Variants in OPRK1 observed in about 807,000 individuals in gnomAD.
OPRK1 encodes kappa-type opioid receptor.
Under a neutral mutation model 24.5 loss-of-function variants are expected in OPRK1, and 15 were observed. That is an observed-to-expected ratio of 0.61 (90% confidence interval 0.41 to 0.94). The LOEUF is 0.94. Ranked by LOEUF, OPRK1 falls within the 40% of genes least tolerant of loss-of-function variation. The pLI is 0.00. For missense variants in OPRK1, 479 were observed against 507.3 expected, an observed-to-expected ratio of 0.94 and a Z score of 0.54; for synonymous variants, 205 against 198.0, an observed-to-expected ratio of 1.04 and a Z score of -0.30.
intron 1 of OPRK1, 155 bp from the exon 2 acceptor site, chr8:53,251,240 C>T: frequency 1.2e-6 from 1 of 812,786 alleles, no homozygotes; most frequent in Non-Finnish European, 1.8e-6. Flanking sequence ...GCCTTTCCGG[C>T]CAGCAGGCGC....
At position 53,234,851 on chromosome 8, in the gene OPRK1, A is replaced by G; in HGVS notation, c.518T>C (p.Leu173Ser). The change falls in exon 3 of 4, where the codon TTG becomes TCG. Residue 173 changes from leucine (L) to serine (S), a missense_variant. Coordinates refer to ENST00000265572, the MANE Select transcript of OPRK1 (RefSeq NM_000912.5). ...GCAGATATTGATGATCTTTGCCTTC[A>G]AGGGTGTGCGGAAGTCCAAAGCCTT... The part of the protein sequence containing the change: ...PVKALDFRTP[L>S]KAKIINICIW... 6.2e-7 allele frequency: 1 copy of G among 1,614,176 alleles called. No homozygotes were observed. Among genetic ancestry groups the G allele is most frequent in the Non-Finnish European group, 8.5e-7 (1 of 1,180,034 alleles).
chr8:53,238,434 C>G, intron 2 of OPRK1: 2 of 672,616 alleles, frequency 3.0e-6, no homozygotes, highest in Non-Finnish European at 3.7e-6. Flanking sequence ...GCTGTCCTCG[C>G]TAAACTGACA....
At chr8:53,235,716 C>T (rs1388881244) in intron 2 of OPRK1, among the ~76,000 whole-genome samples, 1 of 152,184 alleles carries the variant, frequency 6.6e-6, no homozygotes, top group Non-Finnish European at 1.5e-5. Context: ...TCTGCTCTTA[C>T]ACATCATAGC....
chr8:53,241,185 T>C (rs1325335713), intron 2 of OPRK1, among the ~76,000 whole-genome samples: 1 of 152,202 alleles, frequency 6.6e-6, no homozygotes, highest in East Asian at 1.9e-4. Context: ...TTAAAACTGC[T>C]TTTTTAAAAG....
chr8:53,237,409 A>G (rs1213759376), intron 2 of OPRK1, among the ~76,000 whole-genome samples: 1 of 152,232 alleles, frequency 6.6e-6, no homozygotes, highest in Non-Finnish European at 1.5e-5. Context: ...GAAACTGTGT[A>G]AGACTTGAAC....
intron 2 of OPRK1, among the ~76,000 whole-genome samples, chr8:53,245,292 ATAAG>A (rs1293031009): frequency 1.3e-5 from 2 of 152,194 alleles, no homozygotes; most frequent in African/African-American, 4.8e-5. Context: ...TGGTGTCCTC[ATAAG>A]AAGAAGAGAT....
intron 2 of OPRK1, among the ~76,000 whole-genome samples, chr8:53,248,611 C>T (rs950901008): frequency 3.9e-5 from 6 of 152,170 alleles, no homozygotes; most frequent in Non-Finnish European, 8.8e-5. Flanking sequence ...ATCAATTCTT[C>T]TTCAAAGGTT....
At chr8:53,246,337 T>C (rs1807227487) in intron 2 of OPRK1, among the ~76,000 whole-genome samples, 1 of 152,030 alleles carries the variant, frequency 6.6e-6, no homozygotes, top group Non-Finnish European at 1.5e-5. Flanking sequence ...GGAGCTCAAA[T>C]GCTCAGGGCA....
rs777230393 is a variant in OPRK1, at chr8:53,250,945, G to C, written c.93C>G (p.Pro31=). 6.2e-7 allele frequency: 1 copy of C among 1,610,236 alleles called. No individual in the cohort carries two copies. The highest frequency in any genetic ancestry group is 1.3e-5 in the African/African-American group (1 of 74,812). ...CGTTGCTGTCGGGCTCGGCCCAGCC[G>C]GGAAACCAGGCGCTGCTGTTGGGGG... ...CLPPNSSAWF[P]GWAEPDSNGS... is the part of the protein sequence containing the mutation. The change falls in exon 2 of 4, where the codon CCC becomes CCG. Residue 31 remains proline, a synonymous_variant. Coordinates refer to ENST00000265572, the MANE Select transcript of OPRK1 (RefSeq NM_000912.5).
At chr8:53,242,601 G>T (rs950777906) in intron 2 of OPRK1, 1 of 183,214 alleles carries the variant, frequency 5.5e-6, no homozygotes, top group Non-Finnish European at 1.2e-5. Flanking sequence ...CCGCCTCCCG[G>T]GTTCACGCCA....
intron 2 of OPRK1, among the ~76,000 whole-genome samples, chr8:53,237,681 G>A (rs952882985): frequency 6.6e-6 from 1 of 152,180 alleles, no homozygotes; most frequent in East Asian, 1.9e-4. Flanking sequence ...TAAACCCAGG[G>A]GTTTGATCCC....
intron 3 of OPRK1, among the ~76,000 whole-genome samples, chr8:53,232,760 A>G (rs922503365): frequency 6.6e-6 from 1 of 152,204 alleles, no homozygotes; most frequent in Non-Finnish European, 1.5e-5. Context: ...AGTTAGTTCT[A>G]ATAGCTAAAC....
rs931843876 is a variant in OPRK1, at chr8:53,249,529, T to C, written c.257+1252A>G. 4.6e-5 allele frequency among the ~76,000 whole-genome samples: 7 copies of C among 152,310 alleles called. No homozygotes were observed. In the South Asian group the frequency reaches 1.0e-3, roughly 23 times the overall value. On this transcript the variant is annotated intron_variant, in intron 2 of 3. Transcript: ENST00000265572. ...ACCAAGGGCACCAAGCTATAAACAC[T>C]AGTTGTTGATGAAATGAGCTTTATA...
In OPRK1 at chr8:53,229,481, T is replaced by C. The variant is rs1422323074; in HGVS notation, c.959A>G (p.Tyr320Cys). 3.7e-6 allele frequency: 6 copies of C among 1,614,220 alleles called. No homozygotes were observed. Among genetic ancestry groups the C allele is most frequent in the Non-Finnish European group, 5.1e-6 (6 of 1,180,040 alleles). Residue 320 changes from tyrosine (Y) to cysteine (C), a missense_variant, in exon 4 of 4, where the codon TAT becomes TGT. Tyr to Cys is a radical substitution (Grantham distance 194). Coordinates refer to ENST00000265572, the MANE Select transcript of OPRK1 (RefSeq NM_000912.5). ...AATGGGATTCAGGCTACTGTTGGTA[T>C]AGCCTAAGGCGATGCAGAAGTAATA... is the stretch of plus-strand genomic sequence containing the variant. ...SSYYFCIALG[Y>C]TNSSLNPILY... is the part of the protein sequence containing the mutation.
chr8:53,234,334 A>C, intron 3 of OPRK1, among the ~76,000 whole-genome samples: 1 of 152,132 alleles, frequency 6.6e-6, no homozygotes, highest in Non-Finnish European at 1.5e-5. Flanking sequence ...AGTGATTTGG[A>C]GGTTATCCTT....
chr8:53,238,169 C>T (rs1261991782), intron 2 of OPRK1, among the ~76,000 whole-genome samples: 2 of 152,188 alleles, frequency 1.3e-5, no homozygotes, highest in Non-Finnish European at 1.5e-5. Flanking sequence ...CAGAATTAGC[C>T]AGTCTTTTCA....
chr8:53,239,763 T>TA (rs1807073684), intron 2 of OPRK1, among the ~76,000 whole-genome samples: 1 of 152,200 alleles, frequency 6.6e-6, no homozygotes, highest in African/African-American at 2.4e-5. Flanking sequence ...TTGTTACTGT[T>TA]ATTATTCATT....
intron 2 of OPRK1, among the ~76,000 whole-genome samples, chr8:53,239,017 A>G (rs1198711342): frequency 6.6e-6 from 1 of 152,126 alleles, no homozygotes; most frequent in East Asian, 1.9e-4. Flanking sequence ...CTTCATGACA[A>G]TAGTATAATA....
intron 2 of OPRK1, among the ~76,000 whole-genome samples, chr8:53,239,039 T>C (rs544262341): frequency 5.3e-5 from 8 of 152,366 alleles, no homozygotes; most frequent in Non-Finnish European, 1.2e-4. Flanking sequence ...ACCTTTAATC[T>C]TGATGACTGA....
Sources: gnomAD v4.1 joint callset for allele counts (sites outside exome capture counted in the v4.1 genomes callset) on GRCh38, gnomAD v4.1.1 for gene constraint, MANE v1.5 for transcripts, NCBI Gene and HGNC (gene_info 2026-07-23, HGNC 2026-07-21) for gene names.